The following ULK4 variants were observed in gnomAD, a reference collection of about 807,000 sequenced individuals.
ULK4 encodes the protein inactive serine/threonine-protein kinase ULK4.
ULK4 carries 133 observed loss-of-function variants against 160.6 expected under a neutral mutation model. That is an observed-to-expected ratio of 0.83 (90% CI 0.72 to 0.96). ULK4 has a LOEUF of 0.96. ULK4 is among the 40% of genes least tolerant of loss of function. The pLI is 0.00. For missense variants in ULK4, 1,580 were observed against 1,499.5 expected, an observed-to-expected ratio of 1.05 and a Z score of -0.89; for synonymous variants, 534 against 539.8, an observed-to-expected ratio of 0.99 and a Z score of 0.15.
chr3:41,919,706 GA>G lies in ULK4; in HGVS notation c.643+10del. The G allele has an allele frequency of 6.2e-7, 1 of 1,610,682 alleles. No individual in the cohort carries two copies. Among genetic ancestry groups the G allele is most frequent in the Non-Finnish European group, 8.5e-7 (1 of 1,177,188 alleles). ...CAGCTCTGATTTTATACCTATTCAGGAAACAATTACCTGAAAACATTTCATA... is the reference window on the plus strand; with the variant it reads ...CAGCTCTGATTTTATACCTATTCAGGAACAATTACCTGAAAACATTTCATA... On this transcript the variant is annotated intron_variant, in intron 6 of 36. Transcript: ENST00000301831.
intron 27 of ULK4, among the ~76,000 whole-genome samples, chr3:41,690,206 C>T (rs1338089595): frequency 2.1e-4 from 31 of 150,240 alleles, no homozygotes; most frequent in African/African-American, 7.3e-4. Flanking sequence ...AAACCAAACA[C>T]CGCATATTCT....
intron 31 of ULK4, among the ~76,000 whole-genome samples, chr3:41,590,461 C>CAAAAAAAAAAAAAAAAAAAAA (rs71075479): frequency 1.8e-5 from 1 of 56,916 alleles, no homozygotes; most frequent in African/African-American, 6.9e-5. Flanking sequence ...ACTAAAAATA[C>CAAAAAAAAAAAAAAAAAAAAA]AAAAAAAAAA....
intron 32 of ULK4, among the ~76,000 whole-genome samples, chr3:41,495,862 A>T (rs2084970118): frequency 6.6e-6 from 1 of 152,112 alleles, no homozygotes. Flanking sequence ...AGAAATGCAA[A>T]TCAAAACCAC....
chr3:41,292,412 C>A (rs538473184), intron 35 of ULK4, among the ~76,000 whole-genome samples: 1 of 152,208 alleles, frequency 6.6e-6, no homozygotes, highest in African/African-American at 2.4e-5. Flanking sequence ...GTGCCCTCTA[C>A]TGAGGGTGGA....
intron 35 of ULK4, among the ~76,000 whole-genome samples, chr3:41,370,905 T>G (rs2081351461): frequency 6.6e-6 from 1 of 152,196 alleles, no homozygotes; most frequent in Non-Finnish European, 1.5e-5. Context: ...CTTGAAATTC[T>G]TACTGACAGC....
intron 12 of ULK4, among the ~76,000 whole-genome samples, chr3:41,902,339 G>A (rs1487616320): frequency 1.3e-5 from 2 of 152,144 alleles, no homozygotes; most frequent in African/African-American, 2.4e-5. Context: ...CAGCACTTTG[G>A]TAGGCCGAGG....
At chr3:41,804,078 T>C (rs923437637) in intron 19 of ULK4, among the ~76,000 whole-genome samples, 15 of 151,956 alleles carry the variant, frequency 9.9e-5, no homozygotes, top group African/African-American at 3.6e-4. Flanking sequence ...TCCACAATGG[T>C]TGAACTAGTT....
intron 19 of ULK4, among the ~76,000 whole-genome samples, chr3:41,810,890 T>G (rs1224542531): frequency 6.6e-6 from 1 of 152,172 alleles, no homozygotes; most frequent in Non-Finnish European, 1.5e-5. Flanking sequence ...TATTTCATTT[T>G]ATTTTATGTA....
chr3:41,523,562 T>A (rs528824059), intron 32 of ULK4, among the ~76,000 whole-genome samples: 1 of 152,180 alleles, frequency 6.6e-6, no homozygotes, highest in Non-Finnish European at 1.5e-5. Context: ...TTTTATGGAT[T>A]TTTTTAAAAA....
At chr3:41,272,286 A>T (rs924411989) in intron 35 of ULK4, among the ~76,000 whole-genome samples, 1 of 151,702 alleles carries the variant, frequency 6.6e-6, no homozygotes, top group African/African-American at 2.4e-5. Flanking sequence ...TGCTGGTAAT[A>T]AATTACTTTA....
intron 21 of ULK4, among the ~76,000 whole-genome samples, chr3:41,757,780 C>A (rs545360927): frequency 6.6e-6 from 1 of 151,650 alleles, no homozygotes; most frequent in African/African-American, 2.4e-5. Flanking sequence ...ACTACAGGTG[C>A]GTGCCACCGG....
chr3:41,600,045 C>G (rs1321143039), intron 31 of ULK4, among the ~76,000 whole-genome samples: 2 of 152,140 alleles, frequency 1.3e-5, no homozygotes, highest in Non-Finnish European at 2.9e-5. Flanking sequence ...GTGGATCTTT[C>G]TAAATGCAAA....
chr3:41,618,167 T>C (rs1442395475), intron 30 of ULK4, among the ~76,000 whole-genome samples: 1 of 152,120 alleles, frequency 6.6e-6, no homozygotes, highest in Non-Finnish European at 1.5e-5. Flanking sequence ...CTGAAAGTGA[T>C]AGGGAGAATG....
intron 35 of ULK4, among the ~76,000 whole-genome samples, chr3:41,274,750 A>T (rs1257963144): frequency 6.6e-6 from 1 of 152,230 alleles, no homozygotes; most frequent in Non-Finnish European, 1.5e-5. Context: ...CAACCAAAAC[A>T]GTCAATTCTA....
At chr3:41,306,187 G>C in intron 35 of ULK4, among the ~76,000 whole-genome samples, 1 of 76,090 alleles carries the variant, frequency 1.3e-5, no homozygotes, top group Non-Finnish European at 2.5e-5. Flanking sequence ...GGAGGTGGGG[G>C]GGTCAGCCCC....
At chr3:41,788,557 G>A (rs7631512) in intron 21 of ULK4, among the ~76,000 whole-genome samples, 421 of 152,214 alleles carry the variant, frequency 2.8e-3, no homozygotes, top group African/African-American at 9.7e-3. Flanking sequence ...AGGCGTGGTG[G>A]CGGGTACCTA....
intron 2 of ULK4, among the ~76,000 whole-genome samples, chr3:41,942,580 G>C (rs867534586): frequency 6.6e-6 from 1 of 152,134 alleles, no homozygotes; most frequent in Non-Finnish European, 1.5e-5. Context: ...CACTTTGGGA[G>C]GCCAAGGCAG....
At chr3:41,427,660 A>C (rs2082808102) in intron 34 of ULK4, among the ~76,000 whole-genome samples, 1 of 152,226 alleles carries the variant, frequency 6.6e-6, no homozygotes, top group South Asian at 2.1e-4. Context: ...ACAAAACTAA[A>C]GACAAAAACC....
chr3:41,835,864 C>T lies in ULK4; in HGVS notation c.1764G>A (p.Gln588=), dbSNP rs752821479. Residue 588 remains glutamine, a splice_region_variant and synonymous_variant, in exon 18 of 37, where the codon CAG becomes CAA. Coordinates refer to ENST00000301831, the MANE Select transcript of ULK4 (RefSeq NM_017886.4). The part of the protein sequence containing the change: ...LGELIYLVAT[Q]EEKKKNPREC... ...AACAGAGTTAATCAGACAGTCTCACCTGGGTGGCTACAAGATAGATCAGCT... is the reference window on the plus strand; with the variant it reads ...AACAGAGTTAATCAGACAGTCTCACTTGGGTGGCTACAAGATAGATCAGCT... The T allele has an allele frequency of 1.3e-6, 2 of 1,597,002 alleles. No homozygotes were observed. The highest frequency in any genetic ancestry group is 1.3e-5 in the African/African-American group (1 of 74,198).
Sources: gnomAD v4.1 joint callset for allele counts (sites outside exome capture counted in the v4.1 genomes callset) on GRCh38, gnomAD v4.1.1 for gene constraint, MANE v1.5 for transcripts, NCBI Gene and HGNC (gene_info 2026-07-23, HGNC 2026-07-21) for gene names.